MYRIP: variants seen among roughly 807,000 people sequenced by gnomAD.
MYRIP encodes the protein rab effector MyRIP.
Under a neutral mutation model 98.0 loss-of-function variants are expected in MYRIP, and 49 were observed. That is an observed-to-expected ratio of 0.50 (90% CI 0.40 to 0.63). The LOEUF (loss-of-function observed/expected upper bound fraction) is 0.63. Ranked by LOEUF, MYRIP falls within the 30% of genes least tolerant of loss-of-function variation. The pLI, the probability that MYRIP is intolerant of heterozygous loss-of-function variation, is 0.00. For missense variants in MYRIP, 1,004 were observed against 1,058.2 expected, an observed-to-expected ratio of 0.95 and a Z score of 0.71; for synonymous variants, 404 against 409.5, an observed-to-expected ratio of 0.99 and a Z score of 0.16.
intron 12 of MYRIP, among the ~76,000 whole-genome samples, chr3:40,244,068 A>G (rs746882783): frequency 2.0e-5 from 3 of 152,214 alleles, no homozygotes; most frequent in Non-Finnish European, 4.4e-5. Context: ...CTAAATGCCA[A>G]CCAAAAATTG....
intron 2 of MYRIP, among the ~76,000 whole-genome samples, chr3:39,930,219 A>G (rs1944504601): frequency 6.6e-6 from 1 of 151,900 alleles, no homozygotes; most frequent in Admixed American, 6.6e-5. Flanking sequence ...AATACTCATT[A>G]TTTCCTGTCT....
At chr3:39,867,895 C>T (rs1197896894) in intron 1 of MYRIP, among the ~76,000 whole-genome samples, 5 of 152,110 alleles carry the variant, frequency 3.3e-5, no homozygotes, top group Non-Finnish European at 7.4e-5. Context: ...ATGGAAGCAA[C>T]CTAAGTATCC....
intron 3 of MYRIP, among the ~76,000 whole-genome samples, chr3:40,080,490 T>C (rs1948450344): frequency 6.6e-6 from 1 of 152,070 alleles, no homozygotes; most frequent in Non-Finnish European, 1.5e-5. Flanking sequence ...AAAAAGTGTA[T>C]ATAAAATTAG....
intron 1 of MYRIP, among the ~76,000 whole-genome samples, chr3:39,876,285 C>G (rs916750604): frequency 2.0e-5 from 3 of 152,164 alleles, no homozygotes; most frequent in African/African-American, 4.8e-5. Context: ...TGGGTCTTGA[C>G]TCTTTATCCA....
chr3:39,943,099 C>T (rs1944826839), intron 2 of MYRIP, among the ~76,000 whole-genome samples: 1 of 152,112 alleles, frequency 6.6e-6, no homozygotes, highest in Non-Finnish European at 1.5e-5. Context: ...TCATCTGAGG[C>T]ACCCATGACT....
intron 2 of MYRIP, among the ~76,000 whole-genome samples, chr3:39,930,977 T>C (rs568481660): frequency 2.0e-5 from 3 of 152,264 alleles, no homozygotes; most frequent in South Asian, 4.1e-4. Flanking sequence ...GTTTTTATTT[T>C]TTAAGATGAT....
chr3:40,095,800 C>A (rs948251781), intron 3 of MYRIP, among the ~76,000 whole-genome samples: 5 of 151,798 alleles, frequency 3.3e-5, no homozygotes, highest in African/African-American at 9.7e-5. Context: ...TCACACACAT[C>A]TTTCCTACAT....
intron 1 of MYRIP, among the ~76,000 whole-genome samples, chr3:39,828,759 T>C (rs1011513725): frequency 6.6e-6 from 1 of 152,208 alleles, no homozygotes; most frequent in Admixed American, 6.5e-5. Flanking sequence ...GTTATTTCAC[T>C]TAGAATAATA....
Position 40,160,588 on chromosome 3 carries a change from C to G in MYRIP, c.470-2142C>G, listed in dbSNP as rs1160068053. ...CTGGGCAATGGCGGGCGCCCCTCCC[C>G]CAGCCTCGCTGCCACCTTGCAGTTT... On this transcript the variant is annotated intron_variant, in intron 4 of 16. Coordinates refer to ENST00000302541, the MANE Select transcript of MYRIP (RefSeq NM_015460.4). Among the ~76,000 whole-genome samples, 6 of 152,342 alleles carry G rather than the reference C, an allele frequency of 3.9e-5. No homozygotes were observed. In the South Asian group the frequency reaches 6.2e-4, roughly 16 times the overall value.
At chr3:40,255,152 A>AT (rs1953534121) in intron 16 of MYRIP, among the ~76,000 whole-genome samples, 1 of 152,226 alleles carries the variant, frequency 6.6e-6, no homozygotes, top group Non-Finnish European at 1.5e-5. Flanking sequence ...ACAGAGCGGA[A>AT]AAAGATGCAT....
intron 2 of MYRIP, among the ~76,000 whole-genome samples, chr3:39,921,268 A>G (rs1025438846): frequency 1.5e-4 from 23 of 152,292 alleles, no homozygotes; most frequent in African/African-American, 3.4e-4. Context: ...TGTTGCAAAA[A>G]TCAACCAGCA....
At chr3:40,072,920 AATG>A (rs1948262396) in intron 3 of MYRIP, among the ~76,000 whole-genome samples, 2 of 152,240 alleles carry the variant, frequency 1.3e-5, no homozygotes, top group African/African-American at 4.8e-5. Context: ...AAGGTTTATT[AATG>A]ATATTACATT....
chr3:40,031,489 T>C (rs1307409618), intron 2 of MYRIP, among the ~76,000 whole-genome samples: 1 of 152,146 alleles, frequency 6.6e-6, no homozygotes, highest in Non-Finnish European at 1.5e-5. Context: ...AGATGTGGCC[T>C]TGAGCCTTTG....
chr3:39,988,521 G>A (rs112365523), intron 2 of MYRIP, among the ~76,000 whole-genome samples: 8 of 152,110 alleles, frequency 5.3e-5, no homozygotes, highest in African/African-American at 1.9e-4. Flanking sequence ...TATCTTAGTG[G>A]TGTTCTCTGT....
intron 2 of MYRIP, among the ~76,000 whole-genome samples, chr3:40,023,688 G>A (rs1377481533): frequency 2.0e-5 from 3 of 152,142 alleles, no homozygotes; most frequent in African/African-American, 4.8e-5. Context: ...ACAACAGCAG[G>A]CAGAAGAATC....
intron 3 of MYRIP, among the ~76,000 whole-genome samples, chr3:40,061,165 A>G (rs1948006202): frequency 6.6e-6 from 1 of 152,212 alleles, no homozygotes. Flanking sequence ...TTTGTTGTAC[A>G]GATTATTTCA....
At chr3:39,986,700 T>C (rs1313249753) in intron 2 of MYRIP, among the ~76,000 whole-genome samples, 1 of 152,168 alleles carries the variant, frequency 6.6e-6, no homozygotes, top group Non-Finnish European at 1.5e-5. Flanking sequence ...TGGAGAACTT[T>C]CCTTGATAGA....
chr3:40,007,950 G>A (rs915367520), intron 2 of MYRIP, among the ~76,000 whole-genome samples: 1 of 152,204 alleles, frequency 6.6e-6, no homozygotes. Flanking sequence ...AAAACACCTT[G>A]ACAAGAACAC....
intron 3 of MYRIP, among the ~76,000 whole-genome samples, chr3:40,074,265 AG>A (rs1948293939): frequency 6.6e-6 from 1 of 151,898 alleles, no homozygotes; most frequent in Non-Finnish European, 1.5e-5. Context: ...TAGTAGAGAC[AG>A]GGTTTCACCG....
Sources: allele counts gnomAD v4.1 joint callset (sites outside exome capture counted in the v4.1 genomes callset), GRCh38; gene constraint gnomAD v4.1.1; transcripts MANE v1.5; gene names NCBI Gene and HGNC (gene_info 2026-07-23, HGNC 2026-07-21).